The following CEP83 variants were observed in gnomAD, a reference collection of about 807,000 sequenced individuals.
CEP83 encodes the protein centrosomal protein 83.
In CEP83, 70 loss-of-function variants were observed where a neutral mutation model predicts 101.9. The observed-to-expected ratio is 0.69, with a 90% confidence interval of 0.57 to 0.84. CEP83 has a LOEUF of 0.84. CEP83 is among the 40% of genes least tolerant of loss of function. CEP83 has a pLI of 0.00. For missense variants in CEP83, 715 were observed against 787.2 expected (o/e 0.91, Z 1.10); for synonymous variants, 264 against 267.9 (o/e 0.99, Z 0.14).
At chr12:94,283,660 T>C in the CEP83 span, among the ~76,000 whole-genome samples, 1 of 152,124 alleles carries the variant, frequency 6.6e-6, no homozygotes, top group Non-Finnish European at 1.5e-5. Context: ...GGAGTGCTGA[T>C]TGGTCAGGTC....
At chr12:94,400,373 G>A (rs2063179913) in intron 6 of CEP83, among the ~76,000 whole-genome samples, 1 of 152,082 alleles carries the variant, frequency 6.6e-6, no homozygotes, top group South Asian at 2.1e-4. Context: ...AGTTGCAAAT[G>A]GCAGAAAAAA....
chr12:94,266,164 A>G, the CEP83 span, among the ~76,000 whole-genome samples: 3 of 152,170 alleles, frequency 2.0e-5, no homozygotes, highest in Admixed American at 6.5e-5. Context: ...TCATCTGGGA[A>G]GAATTCATTC....
At chr12:94,279,762 T>TA in the CEP83 span, 1 of 946,374 alleles carries the variant, frequency 1.1e-6, no homozygotes, top group Non-Finnish European at 1.7e-6. Context: ...CAGTGACACT[T>TA]ACACAGCCAG....
chr12:94,312,483 G>A (rs1345273063), intron 15 of CEP83: 1 of 573,720 alleles, frequency 1.7e-6, no homozygotes, highest in African/African-American at 2.0e-5. Flanking sequence ...AAATGCTGAT[G>A]ATCCTGATTA....
At chr12:94,275,037 G>A in the CEP83 span, among the ~76,000 whole-genome samples, 1 of 152,330 alleles carries the variant, frequency 6.6e-6, no homozygotes, top group African/African-American at 2.4e-5. Context: ...GCTCAGCGAA[G>A]TTAGACGACT....
chr12:94,279,836 T>A, the CEP83 span: 1 of 703,382 alleles, frequency 1.4e-6, no homozygotes, highest in Non-Finnish European at 2.6e-6. Flanking sequence ...GGCATCCTGA[T>A]TCTTCGAAGG....
At chr12:94,303,099 A>T (rs998935753), downstream of CEP83, among the ~76,000 whole-genome samples, 6 of 152,240 alleles carry the variant, frequency 3.9e-5, no homozygotes, top group African/African-American at 9.6e-5. Flanking sequence ...AATGATTTTT[A>T]AAAATAAAAT....
rs561114284 is a variant in CEP83 at position 94,452,074 on chromosome 12, T to TA, written c.-155+7482dup. Among the ~76,000 whole-genome samples the TA allele has an allele frequency of 2.0e-3, 297 of 152,302 alleles. 1 individual carries two copies. Among genetic ancestry groups the TA allele is most frequent in the African/African-American group, 6.7e-3 (280 of 41,578 alleles). ...TAAATAAACCTCAAAAGCATGAAGTTAAAGAAGCCAGATGCAAAAGACTAC... is the reference window on the plus strand; with the variant it reads ...TAAATAAACCTCAAAAGCATGAAGTTAAAAGAAGCCAGATGCAAAAGACTAC... On this transcript the variant is annotated intron_variant, in intron 1 of 16. Transcript: ENST00000397809.
the CEP83 span, among the ~76,000 whole-genome samples, chr12:94,296,062 T>C: frequency 1.3e-5 from 2 of 152,342 alleles, no homozygotes; most frequent in South Asian, 4.1e-4. Flanking sequence ...TCCAACCTTC[T>C]TGGTATCCTT....
chr12:94,358,066 C>T (rs2060566817), intron 11 of CEP83, among the ~76,000 whole-genome samples: 1 of 152,208 alleles, frequency 6.6e-6, no homozygotes, highest in Non-Finnish European at 1.5e-5. Flanking sequence ...CATTTCTCTA[C>T]AGTACTGGCC....
downstream of CEP83, chr12:94,306,673 C>T (rs1969053000): frequency 6.6e-6 from 1 of 152,092 alleles, no homozygotes; most frequent in Admixed American, 6.6e-5. Context: ...TCACATATTC[C>T]TTGAAATCAT....
intron 6 of CEP83, among the ~76,000 whole-genome samples, chr12:94,380,455 ATT>A (rs1222961942): frequency 1.3e-5 from 2 of 152,040 alleles, no homozygotes; most frequent in Non-Finnish European, 2.9e-5. Flanking sequence ...ACTAATTAGT[ATT>A]TCTCTCCTAT....
intron 2 of CEP83, among the ~76,000 whole-genome samples, chr12:94,415,564 G>A (rs2064202084): frequency 6.6e-6 from 1 of 151,878 alleles, no homozygotes; most frequent in South Asian, 2.1e-4. Flanking sequence ...AATAATAAAA[G>A]TAGATTTTAA....
the CEP83 span, among the ~76,000 whole-genome samples, chr12:94,269,641 C>A: frequency 6.6e-6 from 1 of 152,352 alleles, no homozygotes; most frequent in East Asian, 1.9e-4. Flanking sequence ...AATTACATTC[C>A]ATTGTTCATT....
chr12:94,408,550 T>G (rs185301213), intron 4 of CEP83, among the ~76,000 whole-genome samples: 1 of 152,154 alleles, frequency 6.6e-6, no homozygotes, highest in African/African-American at 2.4e-5. Context: ...AATAACAACA[T>G]GTACTGACCA....
intron 11 of CEP83, among the ~76,000 whole-genome samples, chr12:94,352,572 C>A (rs947144347): frequency 6.6e-6 from 1 of 151,624 alleles, no homozygotes; most frequent in Admixed American, 6.6e-5. Context: ...TGGAAAGATA[C>A]AAGAGAATAC....
chr12:94,289,589 A>C, the CEP83 span, among the ~76,000 whole-genome samples: 1 of 152,200 alleles, frequency 6.6e-6, no homozygotes, highest in Non-Finnish European at 1.5e-5. Context: ...CACTCTTAGA[A>C]GAGCATTTGG....
intron 8 of CEP83, among the ~76,000 whole-genome samples, chr12:94,371,973 TTTTA>T (rs2061329899): frequency 6.6e-6 from 1 of 152,074 alleles, no homozygotes; most frequent in African/African-American, 2.4e-5. Context: ...AGTTTTGCAT[TTTTA>T]TTTATTTATT....
intron 2 of CEP83, among the ~76,000 whole-genome samples, chr12:94,434,390 A>T (rs998818945): frequency 2.0e-5 from 3 of 152,246 alleles, no homozygotes; most frequent in Non-Finnish European, 4.4e-5. Context: ...GGTTACAATG[A>T]CACCTTGTGG....
Sources: allele counts gnomAD v4.1 joint callset (sites outside exome capture counted in the v4.1 genomes callset), GRCh38; gene constraint gnomAD v4.1.1; transcripts MANE v1.5; gene names NCBI Gene and HGNC (gene_info 2026-07-23, HGNC 2026-07-21).